Variants in PLCL2 observed in about 807,000 individuals in gnomAD.
PLCL2 encodes the protein inactive phospholipase C-like protein 2.
In PLCL2, 4 loss-of-function variants were observed where a neutral mutation model predicts 79.6. That is an observed-to-expected ratio of 0.05 (90% confidence interval 0.02 to 0.11). The LOEUF (loss-of-function observed/expected upper bound fraction) is 0.11. PLCL2 is among the 10% of genes least tolerant of loss of function. The probability of loss-of-function intolerance (pLI) is 1.00; values close to 1 mark genes in which losing one functional copy is unlikely to be tolerated. For synonymous variants in PLCL2, 484 were observed against 457.7 expected (o/e 1.06, Z -0.73); for missense variants, 895 against 1,291.0 (o/e 0.69, Z 4.70).
At chr3:17,018,515 C>T (rs920293709) in intron 3 of PLCL2, among the ~76,000 whole-genome samples, 5 of 152,080 alleles carry the variant, frequency 3.3e-5, no homozygotes, top group African/African-American at 1.2e-4. Context: ...CCCTTGAGTC[C>T]CTTTTTTCAT....
chr3:16,994,079 C>G (rs2064129181), intron 1 of PLCL2, among the ~76,000 whole-genome samples: 1 of 152,142 alleles, frequency 6.6e-6, no homozygotes, highest in Admixed American at 6.5e-5. Flanking sequence ...AGTTAAATTG[C>G]TTTAGTCACT....
chr3:16,933,647 T>A (rs1017257881), intron 1 of PLCL2, among the ~76,000 whole-genome samples: 2 of 152,180 alleles, frequency 1.3e-5, no homozygotes, highest in Admixed American at 6.5e-5. Context: ...AACCTTACAC[T>A]ATTTCCTGAT....
At chr3:16,923,800 C>T (rs1697179953) in intron 1 of PLCL2, among the ~76,000 whole-genome samples, 1 of 151,966 alleles carries the variant, frequency 6.6e-6, no homozygotes, top group South Asian at 2.1e-4. Context: ...TACTCATTTT[C>T]CTTCATTTCT....
intron 1 of PLCL2, among the ~76,000 whole-genome samples, chr3:16,895,325 C>A (rs1030208793): frequency 5.3e-5 from 8 of 152,010 alleles, no homozygotes; most frequent in Non-Finnish European, 1.0e-4. Context: ...TGAAGATAGT[C>A]ATTTATTTAA....
At chr3:17,025,639 GC>G (rs2124904510) in intron 3 of PLCL2, among the ~76,000 whole-genome samples, 1 of 152,252 alleles carries the variant, frequency 6.6e-6, no homozygotes, top group African/African-American at 2.4e-5. Flanking sequence ...CCACCTTCTG[GC>G]AGTAAGGTGT....
intron 1 of PLCL2, among the ~76,000 whole-genome samples, chr3:16,948,108 C>G (rs2063617946): frequency 6.6e-6 from 1 of 152,150 alleles, no homozygotes; most frequent in African/African-American, 2.4e-5. Flanking sequence ...AAAGTAAAAG[C>G]AGCCCAAATA....
intron 1 of PLCL2, among the ~76,000 whole-genome samples, chr3:16,901,208 C>A (rs573635187): frequency 6.6e-6 from 1 of 152,226 alleles, no homozygotes; most frequent in African/African-American, 2.4e-5. Context: ...AACAGTATCT[C>A]CCCTGGCCAT....
intron 1 of PLCL2, among the ~76,000 whole-genome samples, chr3:16,917,705 A>C (rs978917495): frequency 1.3e-5 from 2 of 152,176 alleles, no homozygotes; most frequent in Non-Finnish European, 2.9e-5. Context: ...TAAAAGCTGC[A>C]TGGCCTCTTC....
chr3:16,952,866 T>C (rs2063666980), intron 1 of PLCL2, among the ~76,000 whole-genome samples: 1 of 152,098 alleles, frequency 6.6e-6, no homozygotes, highest in Non-Finnish European at 1.5e-5. Flanking sequence ...AAATTGCAAC[T>C]TACCGAGGGC....
intron 1 of PLCL2, among the ~76,000 whole-genome samples, chr3:16,907,325 A>G (rs1479163174): frequency 6.6e-6 from 1 of 152,200 alleles, no homozygotes; most frequent in Non-Finnish European, 1.5e-5. Context: ...TCACCTAGGA[A>G]CAACACAACT....
At chr3:17,068,608 A>G (rs1290576617) in intron 5 of PLCL2, among the ~76,000 whole-genome samples, 1 of 152,220 alleles carries the variant, frequency 6.6e-6, no homozygotes, top group Non-Finnish European at 1.5e-5. Context: ...ATTTTGGCAT[A>G]ACAGTTGTTA....
At chr3:16,972,044 C>G (rs1160365742) in intron 1 of PLCL2, among the ~76,000 whole-genome samples, 2 of 151,852 alleles carry the variant, frequency 1.3e-5, no homozygotes, top group African/African-American at 4.8e-5. Flanking sequence ...ATAATAAGAG[C>G]TATCTATGAC....
At chr3:17,012,829 C>G (rs1204174042) in intron 2 of PLCL2, among the ~76,000 whole-genome samples, 4 of 152,208 alleles carry the variant, frequency 2.6e-5, no homozygotes, top group African/African-American at 9.7e-5. Context: ...TGACACAGAG[C>G]TAGACAGCAA....
At chr3:17,013,933 C>T (rs748774617) in intron 2 of PLCL2, among the ~76,000 whole-genome samples, 1 of 152,234 alleles carries the variant, frequency 6.6e-6, no homozygotes, top group Non-Finnish European at 1.5e-5. Flanking sequence ...TCAGTCTTCT[C>T]ATCCATAACA....
chr3:16,907,565 C>T (rs1278343613), intron 1 of PLCL2, among the ~76,000 whole-genome samples: 1 of 152,210 alleles, frequency 6.6e-6, no homozygotes, highest in Non-Finnish European at 1.5e-5. Flanking sequence ...TTCCCCAGAG[C>T]ACTCCATTAG....
intron 5 of PLCL2, among the ~76,000 whole-genome samples, chr3:17,088,652 G>T (rs1401179797): frequency 6.6e-6 from 1 of 152,054 alleles, no homozygotes; most frequent in East Asian, 1.9e-4. Flanking sequence ...TTCAACTGGG[G>T]GTAGCTCACC....
intron 1 of PLCL2, among the ~76,000 whole-genome samples, chr3:16,888,209 G>A (rs1017242330): frequency 1.6e-4 from 24 of 152,184 alleles, no homozygotes; most frequent in Admixed American, 8.5e-4. Flanking sequence ...GAAATACACT[G>A]TAGGCTGACC....
At chr3:17,054,364 C>G (rs2064872959) in intron 4 of PLCL2, among the ~76,000 whole-genome samples, 1 of 152,172 alleles carries the variant, frequency 6.6e-6, no homozygotes, top group African/African-American at 2.4e-5. Context: ...TAACAAGTCT[C>G]TAGGAAGTTC....
At chr3:17,065,135 A>G (rs2064996183) in intron 4 of PLCL2, among the ~76,000 whole-genome samples, 1 of 152,086 alleles carries the variant, frequency 6.6e-6, no homozygotes, top group African/African-American at 2.4e-5. Flanking sequence ...AACATTTTGC[A>G]TGTCCCTGTG....
Sources: allele counts gnomAD v4.1 joint callset (sites outside exome capture counted in the v4.1 genomes callset), GRCh38; gene constraint gnomAD v4.1.1; transcripts MANE v1.5; gene names NCBI Gene and HGNC (gene_info 2026-07-23, HGNC 2026-07-21).